The following TG variants were observed in gnomAD, a reference collection of about 807,000 sequenced individuals.
TG encodes the protein thyroid hormones.
TG carries 270 observed loss-of-function variants against 324.7 expected under a neutral mutation model. The observed-to-expected ratio is 0.83, with a 90% CI of 0.75 to 0.92. The LOEUF (loss-of-function observed/expected upper bound fraction) is 0.92. TG is among the 40% of genes least tolerant of loss of function. The pLI, the probability that TG is intolerant of heterozygous loss-of-function variation, is 0.00. For missense variants in TG, 3,591 were observed against 3,456.4 expected (o/e 1.04, Z -0.98); for synonymous variants, 1,401 against 1,327.0 (o/e 1.06, Z -1.21).
At chr8:133,112,690 C>T (rs1046788740) in intron 43 of TG, among the ~76,000 whole-genome samples, 1 of 152,098 alleles carries the variant, frequency 6.6e-6, no homozygotes, top group Non-Finnish European at 1.5e-5. Context: ...CACACATCCC[C>T]CAGAGAACTG....
intron 45 of TG, among the ~76,000 whole-genome samples, chr8:133,125,933 T>C (rs1280030888): frequency 2.0e-5 from 3 of 152,216 alleles, no homozygotes; most frequent in African/African-American, 7.2e-5. Context: ...TAATGCACAA[T>C]GGTCTTTTCA....
At chr8:132,893,060 G>T (rs1036430082) in intron 10 of TG, among the ~76,000 whole-genome samples, 2 of 149,564 alleles carry the variant, frequency 1.3e-5, no homozygotes, top group Non-Finnish European at 3.0e-5. Context: ...CTTGAGTGGT[G>T]TGTGTATGTG....
chr8:132,969,380 AT>A, intron 31 of TG, 77 bp from the exon 32 acceptor site: 2 of 993,854 alleles, frequency 2.0e-6, no homozygotes, highest in South Asian at 2.6e-5. Flanking sequence ...TTCAGTCTGT[AT>A]TTTACTCATT....
chr8:133,075,067 G>C (rs1844654558), intron 41 of TG: 1 of 985,310 alleles, frequency 1.0e-6, no homozygotes, highest in Admixed American at 6.1e-5. Flanking sequence ...GAAGGCACAG[G>C]GCTTGCAGAA....
rs1827363273 is a variant in TG at position 132,958,979 on chromosome 8, C to T, written c.5402-2029C>T. The stretch of plus-strand genomic sequence containing the variant: ...ATCTCTCAGATGCCATAGGTGTTCA[C>T]TTGCGCAAATTGTTATAAATAACTT... On this transcript the variant is annotated intron_variant, in intron 27 of 47. Coordinates refer to ENST00000220616, the MANE Select transcript of TG (RefSeq NM_003235.5). 2.0e-5 allele frequency among the ~76,000 whole-genome samples: 3 copies of T among 152,198 alleles called. 1 individual carries two copies. The highest frequency in any genetic ancestry group is 1.5e-5 in the Non-Finnish European group (1 of 68,040).
intron 19 of TG, among the ~76,000 whole-genome samples, chr8:132,912,180 T>G (rs1448355006): frequency 6.6e-6 from 1 of 152,174 alleles, no homozygotes; most frequent in Non-Finnish European, 1.5e-5. Flanking sequence ...GGAAGGAGAC[T>G]GCATCTCTGT....
Position 132,871,528 on chromosome 8 carries a change from G to A in TG, c.455G>A (p.Arg152His), listed in dbSNP as rs114781869. 1,070 of 1,613,952 alleles carry A rather than the reference G, an allele frequency of 6.6e-4. No individual in the cohort carries two copies. The highest frequency in any genetic ancestry group is 6.8e-4 in the Non-Finnish European group (798 of 1,179,856). ...GAGGGGATGGAGGTGTATGGGACCC[G>A]CCAGCTGGGGAGGCCAAAGCGATGT... ...DAEGMEVYGT[R>H]QLGRPKRCPR... Residue 152 changes from arginine (R) to histidine (H), a missense_variant, in exon 4 of 48, where the codon CGC becomes CAC. Arg to His is a conservative substitution (Grantham distance 29). Transcript: ENST00000220616.
intron 35 of TG, among the ~76,000 whole-genome samples, chr8:132,998,817 G>A (rs1833146814): frequency 6.6e-6 from 1 of 152,178 alleles, no homozygotes; most frequent in Non-Finnish European, 1.5e-5. Flanking sequence ...CAGTTGGCTG[G>A]AATGGAGTGG....
At position 133,093,468 on chromosome 8, in the gene TG, C is replaced by T. The variant is rs180884623; in HGVS notation, c.7240-1576C>T. ...CCAGGAGACTCGGAGTTTGTCTAAG[C>T]GGTTAAGGACAGAAAATCACGTGTA... On this transcript the variant is annotated intron_variant, in intron 41 of 47. Transcript: ENST00000220616. Among the ~76,000 whole-genome samples, 751 of 152,210 alleles carry T rather than the reference C, an allele frequency of 4.9e-3. 4 individuals are homozygous for T. The highest frequency in any genetic ancestry group is 7.1e-3 in the Non-Finnish European group (484 of 68,014).
At chr8:132,900,750 C>G (rs1307678061) in intron 15 of TG, among the ~76,000 whole-genome samples, 1 of 152,176 alleles carries the variant, frequency 6.6e-6, no homozygotes, top group Non-Finnish European at 1.5e-5. Context: ...CCATCATCTT[C>G]GGGGCCGTGC....
chr8:132,951,308 A>G (rs919659472), intron 27 of TG, among the ~76,000 whole-genome samples: 9 of 152,250 alleles, frequency 5.9e-5, no homozygotes, highest in Admixed American at 2.0e-4. Flanking sequence ...AAAATAAAAT[A>G]TCACAGAATT....
chr8:132,948,919 C>T lies in TG; in HGVS notation c.5377C>T (p.Leu1793Phe), dbSNP rs1825722116. 6.2e-7 allele frequency: 1 copy of T among 1,613,788 alleles called. No individual in the cohort carries two copies. Among genetic ancestry groups the T allele is most frequent in the Admixed American group, 1.7e-5 (1 of 60,002 alleles). ...DQESHQVILR[L>F]GDQEFIKSLT... The stretch of plus-strand genomic sequence containing the variant: ...GGAGAGCCACCAGGTGATATTGCGT[C>T]TTGGAGACCAGGAGTTCATCAAGAG... Residue 1793 changes from leucine to phenylalanine, a missense_variant, in exon 27 of 48, where the codon CTT (leucine) becomes TTT (phenylalanine). Transcript: ENST00000220616.
intron 11 of TG, among the ~76,000 whole-genome samples, chr8:132,894,929 G>A (rs930164224): frequency 1.2e-4 from 19 of 152,180 alleles, no homozygotes; most frequent in Non-Finnish European, 2.4e-4. Context: ...TCACTTGCCC[G>A]AATTCACACA....
chr8:132,976,517 A>G (rs1000652642), intron 34 of TG, among the ~76,000 whole-genome samples: 1 of 152,196 alleles, frequency 6.6e-6, no homozygotes, highest in Non-Finnish European at 1.5e-5. Context: ...GAAGGTTCCT[A>G]TGGGCCCTCT....
intron 10 of TG, among the ~76,000 whole-genome samples, chr8:132,892,822 GGT>G (rs933262458): frequency 3.3e-5 from 5 of 150,208 alleles, no homozygotes; most frequent in South Asian, 2.1e-4. Flanking sequence ...TTATGTGTGT[GGT>G]GTGTGTGTAT....
chr8:133,030,759 G>A (rs1836563440), intron 41 of TG, among the ~76,000 whole-genome samples: 1 of 152,224 alleles, frequency 6.6e-6, no homozygotes, highest in Non-Finnish European at 1.5e-5. Context: ...GGGAAGGAGG[G>A]AGTTTGGATC....
chr8:133,050,042 A>G, intron 41 of TG: 1 of 1,123,808 alleles, frequency 8.9e-7, no homozygotes, highest in Non-Finnish European at 1.4e-6. Flanking sequence ...GCAAAACCAA[A>G]GGATGAATGA....
intron 45 of TG, among the ~76,000 whole-genome samples, chr8:133,126,591 C>T (rs1442948894): frequency 1.3e-5 from 2 of 151,864 alleles, no homozygotes. Context: ...TGGGACTGCA[C>T]TATTTAGCGT....
chr8:132,990,158 T>TTATATATATATATATA (rs10536232), intron 35 of TG, among the ~76,000 whole-genome samples: 11 of 141,708 alleles, frequency 7.8e-5, no homozygotes, highest in African/African-American at 2.9e-4. Context: ...AGCTATACAA[T>TTATATATATATATATA]TATATATATA....
Sources: allele counts gnomAD v4.1 joint callset (sites outside exome capture counted in the v4.1 genomes callset), GRCh38; gene constraint gnomAD v4.1.1; transcripts MANE v1.5; gene names NCBI Gene and HGNC (gene_info 2026-07-23, HGNC 2026-07-21).